Variants in TMEM50B observed in about 807,000 individuals in gnomAD.
The protein encoded by TMEM50B is HCV p7-trans-regulated protein 3.
Under a neutral mutation model 23.4 loss-of-function variants are expected in TMEM50B, and 14 were observed. The observed-to-expected ratio is 0.60, with a 90% CI of 0.39 to 0.93. TMEM50B has a LOEUF of 0.93. Ranked by LOEUF, TMEM50B falls within the 40% of genes least tolerant of loss-of-function variation. TMEM50B has a pLI of 0.00. For synonymous variants in TMEM50B, 64 were observed against 62.3 expected (o/e 1.03, Z -0.13); for missense variants, 159 against 193.0 (o/e 0.82, Z 1.04).
Position 33,459,664 on chromosome 21 carries a change from T to A in TMEM50B, c.373+749A>T, listed in dbSNP as rs1280154125. 1.7e-4 allele frequency among the ~76,000 whole-genome samples: 12 copies of A among 72,706 alleles called. No individual in the cohort carries two copies. The East Asian group carries it at 3.6e-3, about 22-fold the overall frequency. The allele number at this position is 72,706 out of a possible 152,430, so 47.7% of individuals were successfully genotyped here. A position where few individuals can be genotyped will look rare whatever the true frequency, so the allele number is the denominator to read the frequency against. ...TCCTGGGTGACAGAGTGAGACTCCGTCTCAAAAAAAAAAAAAAAAATTACA... is the reference window on the plus strand; with the variant it reads ...TCCTGGGTGACAGAGTGAGACTCCGACTCAAAAAAAAAAAAAAAAATTACA... On this transcript the variant is annotated intron_variant, in intron 5 of 6. Coordinates refer to ENST00000542230, the MANE Select transcript of TMEM50B (RefSeq NM_006134.7).
chr21:33,448,742 A>C (rs558276884), downstream of TMEM50B: 6 of 152,204 alleles, frequency 3.9e-5, no homozygotes, highest in South Asian at 6.2e-4. Flanking sequence ...AGGCCTCCCA[A>C]AACATTTTTT....
intron 6 of TMEM50B, among the ~76,000 whole-genome samples, chr21:33,453,949 C>T (rs1319146787): frequency 2.0e-5 from 3 of 151,722 alleles, no homozygotes; most frequent in Admixed American, 2.0e-4. Flanking sequence ...ACTAAAAATA[C>T]AAAAATTAGC....
intron 1 of TMEM50B, among the ~76,000 whole-genome samples, chr21:33,470,802 A>G (rs1203885019): frequency 6.6e-6 from 1 of 151,990 alleles, no homozygotes; most frequent in Non-Finnish European, 1.5e-5. Flanking sequence ...AAATAGGAGA[A>G]TCATTTGATC....
intron 4 of TMEM50B, 64 bp downstream of exon 4, chr21:33,465,278 G>A: frequency 8.2e-7 from 1 of 1,217,116 alleles, no homozygotes; most frequent in Non-Finnish European, 1.2e-6. Context: ...CACAAGAGAG[G>A]CTTTTTTTCT....
chr21:33,434,530 A>AAAAT (rs1011031626), intron 8 of TMEM50B, among the ~76,000 whole-genome samples: 2 of 152,186 alleles, frequency 1.3e-5, no homozygotes, highest in African/African-American at 2.4e-5. Context: ...TCAAAAAAAT[A>AAAAT]AAATAAATAA....
chr21:33,467,173 T>G, intron 2 of TMEM50B, 51 bp from the exon 3 acceptor site: 8 of 1,419,056 alleles, frequency 5.6e-6, no homozygotes, highest in Non-Finnish European at 7.9e-6. Flanking sequence ...GCTAGCACAA[T>G]ACCTGCTTTT....
At chr21:33,458,856 CA>C (rs758508517) in intron 5 of TMEM50B, among the ~76,000 whole-genome samples, 2 of 152,174 alleles carry the variant, frequency 1.3e-5, no homozygotes, top group Non-Finnish European at 2.9e-5. Flanking sequence ...ATTTTAGATA[CA>C]GTTGGTGACC....
At chr21:33,460,246 T>G in intron 5 of TMEM50B, 167 bp downstream of exon 5, 2 of 611,200 alleles carry the variant, frequency 3.3e-6, no homozygotes, top group East Asian at 6.0e-5. Flanking sequence ...CCTACTGCAC[T>G]AAGTGTTCCC....
At chr21:33,468,760 T>G in intron 2 of TMEM50B, 27 bp downstream of exon 2, 3 of 1,581,382 alleles carry the variant, frequency 1.9e-6, no homozygotes, top group Non-Finnish European at 2.6e-6. Flanking sequence ...AAGGGATACA[T>G]GTCACCAACC....
At chr21:33,442,159 C>T (rs2084014193) in intron 7 of TMEM50B, among the ~76,000 whole-genome samples, 1 of 152,022 alleles carries the variant, frequency 6.6e-6, no homozygotes, top group African/African-American at 2.4e-5. Flanking sequence ...TGAGAACATC[C>T]CCAGCTGTCC....
Position 33,437,061 on chromosome 21 carries a change from T to C in TMEM50B, c.*2120+2153A>G. On this transcript the variant is annotated intron_variant and NMD_transcript_variant, in intron 8 of 8. Transcript: ENST00000420455. ...ACTTTCCAGAGACCAGTATTCCCTTTTGCTGCCTCTAAAAGGCCTGTCCCT... is the reference window on the plus strand; with the variant it reads ...ACTTTCCAGAGACCAGTATTCCCTTCTGCTGCCTCTAAAAGGCCTGTCCCT... 3.1e-6 allele frequency: 4 copies of C among 1,271,110 alleles called. No homozygotes were observed. In the Admixed American group the frequency reaches 5.3e-5, roughly 17 times the overall value. 78.7% of individuals were successfully genotyped at this position (1,271,110 alleles called of 1,614,324 possible).
chr21:33,473,057 C>T (rs2084332311), intron 1 of TMEM50B, among the ~76,000 whole-genome samples: 1 of 151,936 alleles, frequency 6.6e-6, no homozygotes, highest in Admixed American at 6.6e-5. Context: ...AAAATCAATA[C>T]AACATATACA....
intron 2 of TMEM50B, 62 bp from the exon 3 acceptor site, chr21:33,467,184 T>G: frequency 7.3e-7 from 1 of 1,375,346 alleles, no homozygotes; most frequent in Non-Finnish European, 1.0e-6. Context: ...ACCTGCTTTT[T>G]AACATTCCTT....
At chr21:33,442,294 G>A (rs774098660) in intron 7 of TMEM50B, among the ~76,000 whole-genome samples, 5 of 152,116 alleles carry the variant, frequency 3.3e-5, no homozygotes, top group Non-Finnish European at 7.4e-5. Context: ...GGAATGAAGT[G>A]AAAGTGACGT....
rs1406385199 is a variant in TMEM50B, at chr21:33,470,457, C to T, written c.-41-1531G>A. Among the ~76,000 whole-genome samples the T allele has an allele frequency of 4.2e-5, 6 of 142,056 alleles. No homozygotes were observed. In the Admixed American group the frequency reaches 4.4e-4, roughly 10 times the overall value. 93.2% of individuals were successfully genotyped at this position (142,056 alleles called of 152,430 possible). On this transcript the variant is annotated intron_variant, in intron 1 of 6. Coordinates refer to ENST00000542230, the MANE Select transcript of TMEM50B (RefSeq NM_006134.7). ...AAAAAAAAAAAAAAAATCGGCTAGG[C>T]TCGGTGGCTTACGCCTGTAATCCCA...
chr21:33,465,016 C>T, intron 4 of TMEM50B: 1 of 218,386 alleles, frequency 4.6e-6, no homozygotes, highest in Non-Finnish European at 9.0e-6. Context: ...TGTTAATAAT[C>T]ATAGTCAGCC....
chr21:33,444,285 C>T (rs890848397), downstream of TMEM50B, among the ~76,000 whole-genome samples: 5 of 152,266 alleles, frequency 3.3e-5, no homozygotes, highest in South Asian at 2.1e-4. Context: ...CAGTGGCTCA[C>T]GCCTGTAATC....
chr21:33,443,200 A>G (rs544781761), intron 7 of TMEM50B, among the ~76,000 whole-genome samples: 1 of 152,206 alleles, frequency 6.6e-6, no homozygotes, highest in Admixed American at 6.5e-5. Flanking sequence ...GGGCAGGTAC[A>G]AAATTTTGCC....
chr21:33,470,718 TC>T (rs1313776900), intron 1 of TMEM50B, among the ~76,000 whole-genome samples: 1 of 151,252 alleles, frequency 6.6e-6, no homozygotes, highest in Non-Finnish European at 1.5e-5. Flanking sequence ...AGAGAAAGAC[TC>T]CATCTCAAAA....
Sources: allele counts gnomAD v4.1 joint callset (sites outside exome capture counted in the v4.1 genomes callset), GRCh38; gene constraint gnomAD v4.1.1; transcripts MANE v1.5; gene names NCBI Gene and HGNC (gene_info 2026-07-23, HGNC 2026-07-21).